Variants in ASIC2 observed in about 807,000 individuals in gnomAD.
ASIC2 encodes acid-sensing ion channel 2.
In ASIC2, 25 loss-of-function variants were observed where a neutral mutation model predicts 57.3. The observed-to-expected ratio is 0.44, with a 90% CI of 0.32 to 0.61. The LOEUF (loss-of-function observed/expected upper bound fraction) is 0.61. Among genes scored for constraint, ASIC2 ranks in the 20% least tolerant of loss-of-function variants. The pLI, the probability that ASIC2 is intolerant of heterozygous loss-of-function variation, is 0.06. For missense variants in ASIC2, 641 were observed against 738.1 expected (o/e 0.87, Z 1.52); for synonymous variants, 319 against 307.5 (o/e 1.04, Z -0.39).
chr17:33,402,074 T>C (rs1272599343), intron 1 of ASIC2, among the ~76,000 whole-genome samples: 1 of 152,156 alleles, frequency 6.6e-6, no homozygotes, highest in Non-Finnish European at 1.5e-5. Flanking sequence ...AGATCTCCTT[T>C]GGATGTTTGA....
Position 33,014,046 on chromosome 17 carries a change from T to G in ASIC2, c.1611A>C (p.Pro537=), listed in dbSNP as rs373652653. 11 of 1,601,956 alleles carry G rather than the reference T, an allele frequency of 6.9e-6. No homozygotes were observed. Among genetic ancestry groups the G allele is most frequent in the Admixed American group, 1.7e-5 (1 of 58,568 alleles). ...TGTGACTGATGGTTTCAGAGTGGTTTGGCATTGTGTCACAAGTACTCTGGA... is the reference window on the plus strand; with the variant it reads ...TGTGACTGATGGTTTCAGAGTGGTTGGGCATTGTGTCACAAGTACTCTGGA... The part of the protein sequence containing the change: ...DENVSTCDTM[P]NHSETISHTV... Residue 537 remains proline, a synonymous_variant, in exon 10 of 10, where the codon CCA becomes CCC. Coordinates refer to ENST00000225823, the MANE Select transcript of ASIC2 (RefSeq NM_183377.2).
chr17:34,003,698 G>C (rs1906423727), intron 1 of ASIC2: 1 of 152,040 alleles, frequency 6.6e-6, no homozygotes, highest in African/African-American at 2.4e-5. Context: ...TTAAATCACT[G>C]CACGAGGTCC....
intron 3 of ASIC2, among the ~76,000 whole-genome samples, chr17:33,054,143 T>G (rs1226852965): frequency 6.6e-6 from 1 of 152,164 alleles, no homozygotes; most frequent in Non-Finnish European, 1.5e-5. Context: ...CCATTCCCTC[T>G]GCTTTTGGAT....
intron 1 of ASIC2, among the ~76,000 whole-genome samples, chr17:33,787,347 C>T (rs1158724385): frequency 1.3e-5 from 2 of 152,210 alleles, no homozygotes; most frequent in African/African-American, 4.8e-5. Flanking sequence ...GGTGTGTAAC[C>T]TGGGACCAGA....
At chr17:34,116,884 G>A (rs747585883) in intron 1 of ASIC2, among the ~76,000 whole-genome samples, 17 of 152,268 alleles carry the variant, frequency 1.1e-4, no homozygotes, top group Admixed American at 5.2e-4. Flanking sequence ...ATATGTGTGT[G>A]TGTGGGTGGG....
chr17:33,879,538 G>T (rs900394212), intron 1 of ASIC2, among the ~76,000 whole-genome samples: 198 of 152,236 alleles, frequency 1.3e-3, no homozygotes, highest in Middle Eastern at 3.4e-3. Flanking sequence ...AGGGATCAAT[G>T]CAACAAGAAG....
intron 1 of ASIC2, among the ~76,000 whole-genome samples, chr17:33,890,051 T>C (rs1413482192): frequency 6.6e-6 from 1 of 152,142 alleles, no homozygotes; most frequent in South Asian, 2.1e-4. Context: ...AGGTGCACTG[T>C]TCAATATGGT....
chr17:34,149,808 C>T (rs182500463), intron 1 of ASIC2, among the ~76,000 whole-genome samples: 8 of 152,196 alleles, frequency 5.3e-5, no homozygotes, highest in African/African-American at 1.9e-4. Flanking sequence ...ATTAGTACAG[C>T]CATTATGGAA....
chr17:33,891,997 A>G (rs1914973722), intron 1 of ASIC2, among the ~76,000 whole-genome samples: 1 of 152,152 alleles, frequency 6.6e-6, no homozygotes, highest in East Asian at 1.9e-4. Context: ...GCAATTTTGT[A>G]ATCTGCTTTG....
intron 1 of ASIC2, among the ~76,000 whole-genome samples, chr17:34,040,748 C>T (rs1037667245): frequency 3.9e-5 from 6 of 152,114 alleles, no homozygotes. Flanking sequence ...AGCCTCACCT[C>T]TCACATTTCC....
At chr17:33,830,064 C>T (rs1486474759) in intron 1 of ASIC2, among the ~76,000 whole-genome samples, 1 of 152,162 alleles carries the variant, frequency 6.6e-6, no homozygotes. Flanking sequence ...TCATAGGCAA[C>T]TTTTCCTATA....
At chr17:33,602,313 T>C (rs1181558685) in intron 1 of ASIC2, among the ~76,000 whole-genome samples, 1 of 152,206 alleles carries the variant, frequency 6.6e-6, no homozygotes, top group Admixed American at 6.5e-5. Context: ...TGTTGAGAGA[T>C]GGGACTTTTA....
chr17:33,417,080 C>A (rs1462865522), intron 1 of ASIC2, among the ~76,000 whole-genome samples: 1 of 152,118 alleles, frequency 6.6e-6, no homozygotes, highest in African/African-American at 2.4e-5. Flanking sequence ...TGGGTAAAAG[C>A]AGCTCTTTAC....
chr17:34,041,788 G>C (rs142506217), intron 1 of ASIC2, among the ~76,000 whole-genome samples: 5 of 152,300 alleles, frequency 3.3e-5, no homozygotes, highest in African/African-American at 7.2e-5. Flanking sequence ...TCAGGAGACA[G>C]GGACTAGCAG....
chr17:34,001,708 G>A (rs980576952), intron 1 of ASIC2: 4 of 152,276 alleles, frequency 2.6e-5, no homozygotes, highest in Non-Finnish European at 5.9e-5. Flanking sequence ...TCTCCATGAT[G>A]TATTGCCTGG....
intron 2 of ASIC2, among the ~76,000 whole-genome samples, chr17:33,097,795 C>T (rs984312498): frequency 2.0e-5 from 3 of 152,206 alleles, no homozygotes; most frequent in African/African-American, 4.8e-5. Context: ...GGACCAGAGT[C>T]GCAGCCCCAG....
intron 1 of ASIC2, among the ~76,000 whole-genome samples, chr17:33,428,439 C>T (rs1342736333): frequency 6.6e-6 from 1 of 152,136 alleles, no homozygotes; most frequent in Non-Finnish European, 1.5e-5. Flanking sequence ...GCCTCAATTT[C>T]CAGGGCTAAA....
At chr17:33,705,776 A>G (rs969413441) in intron 1 of ASIC2, among the ~76,000 whole-genome samples, 1 of 152,148 alleles carries the variant, frequency 6.6e-6, no homozygotes, top group Non-Finnish European at 1.5e-5. Flanking sequence ...AGAACTGTAG[A>G]ATAAATTTCT....
chr17:34,039,148 A>G, intron 1 of ASIC2: 1 of 1,614,010 alleles, frequency 6.2e-7, no homozygotes. Context: ...CAAATCACAG[A>G]TGGCTCTTAA....
Sources: gnomAD v4.1 joint callset for allele counts (sites outside exome capture counted in the v4.1 genomes callset) on GRCh38, gnomAD v4.1.1 for gene constraint, MANE v1.5 for transcripts, NCBI Gene and HGNC (gene_info 2026-07-23, HGNC 2026-07-21) for gene names.